Variants in THSD7B observed in about 807,000 individuals in gnomAD.
The protein encoded by THSD7B is thrombospondin type-1 domain-containing protein 7B.
In THSD7B, 138 loss-of-function variants were observed where a neutral mutation model predicts 213.6. The observed-to-expected ratio is 0.65, with a 90% CI of 0.56 to 0.74. The LOEUF (loss-of-function observed/expected upper bound fraction) is 0.74. Ranked by LOEUF, THSD7B falls within the 30% of genes least tolerant of loss-of-function variation. The pLI, the probability that THSD7B is intolerant of heterozygous loss-of-function variation, is 0.00. For synonymous variants in THSD7B, 742 were observed against 687.0 expected (o/e 1.08, Z -1.25); for missense variants, 1,931 against 1,991.5 (o/e 0.97, Z 0.58).
intron 2 of THSD7B, among the ~76,000 whole-genome samples, chr2:136,963,108 T>C (rs1573736982): frequency 6.6e-6 from 1 of 152,268 alleles, no homozygotes; most frequent in East Asian, 1.9e-4. Context: ...ATTAAAACAA[T>C]GTAACAAGGC....
At chr2:137,672,670 A>T (rs1000832007) in intron 27 of THSD7B, among the ~76,000 whole-genome samples, 1 of 152,208 alleles carries the variant, frequency 6.6e-6, no homozygotes, top group African/African-American at 2.4e-5. Context: ...TATTTTTGCC[A>T]AAAACAGAAG....
chr2:137,319,384 G>A (rs190153149), intron 12 of THSD7B, among the ~76,000 whole-genome samples: 2 of 152,124 alleles, frequency 1.3e-5, no homozygotes, highest in East Asian at 3.9e-4. Context: ...GTACCATGAT[G>A]TCCACCTCCA....
chr2:137,415,666 T>G (rs1280798166), intron 14 of THSD7B, among the ~76,000 whole-genome samples: 1 of 10,234 alleles, frequency 9.8e-5, no homozygotes, highest in African/African-American at 3.0e-4. Context: ...ATATCAGTGT[T>G]TTTTTTTTTT....
At chr2:137,674,012 G>GGTAA (rs1365057256) in intron 27 of THSD7B, among the ~76,000 whole-genome samples, 4 of 152,144 alleles carry the variant, frequency 2.6e-5, no homozygotes, top group Non-Finnish European at 4.4e-5. Flanking sequence ...TTCCAAACAT[G>GGTAA]GTAAGTGGTA....
intron 15 of THSD7B, among the ~76,000 whole-genome samples, chr2:137,468,280 G>T (rs1688029548): frequency 6.6e-6 from 1 of 152,034 alleles, no homozygotes; most frequent in African/African-American, 2.4e-5. Context: ...ATATACAGTT[G>T]CTATAAAAAG....
intron 12 of THSD7B, among the ~76,000 whole-genome samples, chr2:137,313,969 C>G (rs1684004640): frequency 1.3e-5 from 2 of 152,174 alleles, no homozygotes; most frequent in Non-Finnish European, 2.9e-5. Context: ...TTTGGTGAAT[C>G]TGACAATTAT....
chr2:136,905,325 T>G (rs1355728353), intron 2 of THSD7B, among the ~76,000 whole-genome samples: 1 of 152,192 alleles, frequency 6.6e-6, no homozygotes, highest in Non-Finnish European at 1.5e-5. Context: ...ATTCCCTCTT[T>G]CTTCACTCTG....
chr2:137,359,327 G>T (rs1685202246), intron 12 of THSD7B, among the ~76,000 whole-genome samples: 1 of 152,222 alleles, frequency 6.6e-6, no homozygotes, highest in Admixed American at 6.5e-5. Context: ...TTGAAAAATA[G>T]ACCTGGTGGG....
intron 10 of THSD7B, among the ~76,000 whole-genome samples, chr2:137,252,305 G>C (rs931485747): frequency 6.6e-6 from 1 of 151,428 alleles, no homozygotes; most frequent in Non-Finnish European, 1.5e-5. Context: ...GGGTTGGGGG[G>C]CTTGATGGGA....
intron 3 of THSD7B, among the ~76,000 whole-genome samples, chr2:137,091,841 C>T (rs1687953686): frequency 6.6e-6 from 1 of 152,124 alleles, no homozygotes; most frequent in South Asian, 2.1e-4. Context: ...GAAACTCAGC[C>T]TATAACAATT....
At chr2:137,103,400 G>A (rs917003757) in intron 4 of THSD7B, among the ~76,000 whole-genome samples, 28 of 152,098 alleles carry the variant, frequency 1.8e-4, no homozygotes, top group African/African-American at 2.7e-4. Context: ...ATATGGAGAC[G>A]AAAATCCAGT....
chr2:137,557,159 C>T (rs1680989865), intron 15 of THSD7B, among the ~76,000 whole-genome samples: 1 of 152,100 alleles, frequency 6.6e-6, no homozygotes, highest in South Asian at 2.1e-4. Context: ...GAGGGATATC[C>T]AGGAATTGAA....
At chr2:137,383,391 T>C (rs542742728) in intron 12 of THSD7B, among the ~76,000 whole-genome samples, 1 of 152,264 alleles carries the variant, frequency 6.6e-6, no homozygotes, top group South Asian at 2.1e-4. Flanking sequence ...ATCTCCCCAC[T>C]AGAAAAACCC....
chr2:137,370,095 AG>A (rs1685510453), intron 12 of THSD7B, among the ~76,000 whole-genome samples: 1 of 152,152 alleles, frequency 6.6e-6, no homozygotes, highest in Non-Finnish European at 1.5e-5. Context: ...TATTGACAAA[AG>A]TAGGAAAATT....
rs146862306 is a variant in THSD7B at position 137,198,712 on chromosome 2, C to T, written c.1723+27774C>T. Among the ~76,000 whole-genome samples the T allele has an allele frequency of 1.1e-3, 165 of 152,244 alleles. 1 individual carries two copies. The highest frequency in any genetic ancestry group is 3.8e-3 in the African/African-American group (158 of 41,540). The stretch of plus-strand genomic sequence containing the variant: ...GGGAATATATATTCTGATTACCTTA[C>T]CATTTCTGTGGATTCTCATGAACTT... On this transcript the variant is annotated intron_variant, in intron 7 of 27. Coordinates refer to ENST00000409968, the MANE Select transcript of THSD7B (RefSeq NM_001316349.2).
chr2:137,100,893 A>G (rs1414409271), intron 4 of THSD7B, among the ~76,000 whole-genome samples: 2 of 131,006 alleles, frequency 1.5e-5, no homozygotes, highest in African/African-American at 3.7e-5. Context: ...AGCTTTCCAG[A>G]AAAAAAATCT....
intron 14 of THSD7B, among the ~76,000 whole-genome samples, chr2:137,439,088 AAC>A (rs1490349666): frequency 1.3e-5 from 2 of 152,108 alleles, no homozygotes; most frequent in Admixed American, 6.6e-5. Flanking sequence ...CTTTAGAGGG[AAC>A]ACAGCCCTGC....
At chr2:137,658,798 T>G (rs992745036) in intron 24 of THSD7B, among the ~76,000 whole-genome samples, 1 of 152,248 alleles carries the variant, frequency 6.6e-6, no homozygotes, top group Non-Finnish European at 1.5e-5. Context: ...TGTTCGCTAC[T>G]CTGCCTTAGG....
Position 136,878,899 on chromosome 2 carries a change from G to A in THSD7B, c.-35-3245G>A, listed in dbSNP as rs138187662. ...TGCTCTGGTGGTAGTTTCTTTTGCG[G>A]TGCAGCAGCTCTTTAGTTTAATTAG... On this transcript the variant is annotated intron_variant, in intron 1 of 27. Coordinates refer to ENST00000409968, the MANE Select transcript of THSD7B (RefSeq NM_001316349.2). 5.2e-3 allele frequency among the ~76,000 whole-genome samples: 788 copies of A among 152,258 alleles called. 1 individual carries two copies. The highest frequency in any genetic ancestry group is 8.1e-3 in the Non-Finnish European group (553 of 68,034).
Sources: gnomAD v4.1 joint callset for allele counts (sites outside exome capture counted in the v4.1 genomes callset) on GRCh38, gnomAD v4.1.1 for gene constraint, MANE v1.5 for transcripts, NCBI Gene and HGNC (gene_info 2026-07-23, HGNC 2026-07-21) for gene names.